Variants in TPM3 observed in about 807,000 individuals in gnomAD.
TPM3 encodes the protein tropomyosin 3.
Under a neutral mutation model 43.1 loss-of-function variants are expected in TPM3, and 16 were observed. That is an observed-to-expected ratio of 0.37 (90% CI 0.25 to 0.56). The LOEUF (loss-of-function observed/expected upper bound fraction) is 0.56, where lower values mean the gene tolerates loss of function less well. Among genes scored for constraint, TPM3 ranks in the 20% least tolerant of loss-of-function variants. The pLI, the probability that TPM3 is intolerant of heterozygous loss-of-function variation, is 0.77. For missense variants in TPM3, 176 were observed against 337.2 expected, an observed-to-expected ratio of 0.52 and a Z score of 3.74; for synonymous variants, 101 against 116.9, an observed-to-expected ratio of 0.86 and a Z score of 0.88.
Position 154,166,406 on chromosome 1 carries a change from G to T in TPM3, c.*1531C>A. ...ACCTTGTTGTTCTCCACTCCCAGGA[G>T]GTCACCATACTGATGCCAAATTTAG... is the stretch of plus-strand genomic sequence containing the variant. On this transcript the variant is annotated 3_prime_UTR_variant, in exon 10 of 10. Transcript: ENST00000651641. 1 of 454,548 alleles carries T rather than the reference G, an allele frequency of 2.2e-6. No individual in the cohort carries two copies. The highest frequency in any genetic ancestry group is 3.1e-6 in the Non-Finnish European group (1 of 323,334). The allele number at this position is 454,548 out of a possible 1,614,324, so 28.2% of individuals were successfully genotyped here.
At chr1:154,184,434 C>T (rs1663301169) in intron 2 of TPM3, among the ~76,000 whole-genome samples, 1 of 152,184 alleles carries the variant, frequency 6.6e-6, no homozygotes. Flanking sequence ...TAGCTCATGT[C>T]TGTAAGTCTA....
chr1:154,172,285 C>A (rs1338919915), intron 5 of TPM3: 4 of 743,264 alleles, frequency 5.4e-6, no homozygotes, highest in Non-Finnish European at 9.9e-6. Flanking sequence ...GAGGGAAGCA[C>A]AAATACATAT....
chr1:154,171,015 T>A, intron 6 of TPM3: 1 of 525,874 alleles, frequency 1.9e-6, no homozygotes, highest in Non-Finnish European at 3.4e-6. Context: ...GCAAGAGTAG[T>A]AGCACCCCAA....
At chr1:154,169,245 T>C in intron 9 of TPM3, 60 bp downstream of exon 9, 1 of 1,531,732 alleles carries the variant, frequency 6.5e-7, no homozygotes, top group Non-Finnish European at 9.0e-7. Flanking sequence ...TATGCATAGC[T>C]TGTACCCCCA....
In TPM3 at chr1:154,167,590, A is replaced by C; in HGVS notation, c.*347T>G. The stretch of plus-strand genomic sequence containing the variant: ...GTAGAATCAGATCAGCTGAGTTTAA[A>C]TGTCAAGAAAAAATAGACACACACA... On this transcript the variant is annotated 3_prime_UTR_variant, in exon 10 of 10. Transcript: ENST00000651641. 1.7e-6 allele frequency: 2 copies of C among 1,208,824 alleles called. No individual in the cohort carries two copies. The highest frequency in any genetic ancestry group is 2.1e-6 in the Non-Finnish European group (2 of 962,308). The allele number at this position is 1,208,824 out of a possible 1,614,324, so 74.9% of individuals were successfully genotyped here.
chr1:154,158,991 G>A (rs575492202), downstream of TPM3: 71 of 780,702 alleles, frequency 9.1e-5, 2 homozygotes, highest in South Asian at 9.4e-4. Context: ...ATCATGCAGC[G>A]TTAGCTTCAG....
At chr1:154,171,157 T>C in intron 6 of TPM3, 1 of 597,336 alleles carries the variant, frequency 1.7e-6, no homozygotes, top group South Asian at 2.0e-5. Context: ...GGCCCTTGAT[T>C]ATTGCTTTTC....
chr1:154,173,554 C>T (rs1661850999), intron 3 of TPM3, among the ~76,000 whole-genome samples: 1 of 151,606 alleles, frequency 6.6e-6, no homozygotes, highest in Non-Finnish European at 1.5e-5. Flanking sequence ...ATTCCAGCTA[C>T]TTGGGAGGCT....
rs28366030 is a variant in TPM3, at chr1:154,183,512, G to T, written c.244-7264C>A. The T allele has an allele frequency of 4.9e-5, 19 of 388,842 alleles. No homozygotes were observed. In the East Asian group the frequency reaches 9.8e-4, roughly 20 times the overall value. 24.1% of individuals were successfully genotyped at this position (388,842 alleles called of 1,614,324 possible). ...GGTAGTCGGCTGACCTTACACTCCC[G>T]CAATTGACCCCTCACTCCCGCAATG... On this transcript the variant is annotated intron_variant, in intron 2 of 9. Coordinates refer to ENST00000651641, the MANE Select transcript of TPM3 (RefSeq NM_152263.4).
chr1:154,188,611 C>T (rs1157950561), intron 2 of TPM3, among the ~76,000 whole-genome samples: 1 of 142,860 alleles, frequency 7.0e-6, no homozygotes, highest in Non-Finnish European at 1.5e-5. Context: ...AGAGGCGGAG[C>T]TTGCAGTGAG....
intron 2 of TPM3, among the ~76,000 whole-genome samples, chr1:154,178,718 A>T (rs1662617371): frequency 6.6e-6 from 1 of 152,162 alleles, no homozygotes; most frequent in African/African-American, 2.4e-5. Flanking sequence ...TTTCCTAATC[A>T]TCTTAGGTTT....
Position 154,164,878 on chromosome 1 carries a change from T to C in TPM3, c.*3059A>G, listed in dbSNP as rs1166656201. Among the ~76,000 whole-genome samples, 2 of 152,234 alleles carry C rather than the reference T, an allele frequency of 1.3e-5. No homozygotes were observed. Among genetic ancestry groups the C allele is most frequent in the African/African-American group, 4.8e-5 (2 of 41,462 alleles). ...TCACTTTGCTAATCTGCAAATTAGT[T>C]ACCAAATTAATTCTTCTTATATGTT... On this transcript the variant is annotated 3_prime_UTR_variant, in exon 10 of 10. Transcript: ENST00000651641.
At position 154,183,317 on chromosome 1, in the gene TPM3, C is replaced by T. The variant is rs1227933415; in HGVS notation, c.244-7069G>A. The T allele has an allele frequency of 1.1e-5, 16 of 1,476,186 alleles. 1 individual carries two copies. Among genetic ancestry groups the T allele is most frequent in the Middle Eastern group, 2.4e-4 (1 of 4,088 alleles). The allele number at this position is 1,476,186 out of a possible 1,614,324, so 91.4% of individuals were successfully genotyped here. On this transcript the variant is annotated intron_variant, in intron 2 of 9. Coordinates refer to ENST00000651641, the MANE Select transcript of TPM3 (RefSeq NM_152263.4). Reference sequence around the variant, plus strand: ...CAGTCCACTGGAGGGAGAGCCGCGGCAGGGAGTGGATCCTCCCAGTCGCCC... The same window carrying T: ...CAGTCCACTGGAGGGAGAGCCGCGGTAGGGAGTGGATCCTCCCAGTCGCCC...
chr1:154,189,812 A>C, intron 2 of TPM3, among the ~76,000 whole-genome samples: 1 of 151,712 alleles, frequency 6.6e-6, no homozygotes, highest in South Asian at 2.1e-4. Context: ...AAAAAAAAAA[A>C]AAAAAAAAGG....
chr1:154,172,516 C>T (rs909932158), intron 5 of TPM3: 6 of 496,136 alleles, frequency 1.2e-5, no homozygotes, highest in Non-Finnish European at 2.4e-5. Context: ...CCTTGGCATA[C>T]TAAGTAGCTG....
rs1377150210 is a variant in TPM3, at chr1:154,164,000, C to A, written c.*3937G>T. Among the ~76,000 whole-genome samples the A allele has an allele frequency of 1.3e-5, 2 of 152,038 alleles. No homozygotes were observed. Among genetic ancestry groups the A allele is most frequent in the Non-Finnish European group, 2.9e-5 (2 of 68,024 alleles). ...ACCTCCATGGCATAAACTACCTGTA[C>A]CCCATATGGATTCCCAACTCTCTTA... is the stretch of plus-strand genomic sequence containing the variant. On this transcript the variant is annotated 3_prime_UTR_variant, in exon 10 of 10. Transcript: ENST00000651641.
downstream of TPM3, among the ~76,000 whole-genome samples, chr1:154,158,134 G>A (rs924014884): frequency 6.6e-6 from 1 of 152,098 alleles, no homozygotes; most frequent in Non-Finnish European, 1.5e-5. Context: ...AGATTATAAA[G>A]AGCACAGGAA....
At chr1:154,183,148 C>G (rs952245414) in intron 2 of TPM3, 9 of 1,597,662 alleles carry the variant, frequency 5.6e-6, no homozygotes, top group Non-Finnish European at 7.6e-6. Flanking sequence ...GCTCGCGCTC[C>G]GGTTCCTGCC....
chr1:154,182,965 C>T lies in TPM3; in HGVS notation c.244-6717G>A, dbSNP rs1264813342. ...GATACTCCAGCGCCTGCCCCTCCCT[C>T]ATGAGCCTCACCATCTCCGTACCTG... On this transcript the variant is annotated intron_variant, in intron 2 of 9. Coordinates refer to ENST00000651641, the MANE Select transcript of TPM3 (RefSeq NM_152263.4). The T allele has an allele frequency of 1.9e-6, 3 of 1,610,644 alleles. No homozygotes were observed. In the African/African-American group the frequency reaches 4.0e-5, roughly 22 times the overall value.
Sources: gnomAD v4.1 joint callset for allele counts (sites outside exome capture counted in the v4.1 genomes callset) on GRCh38, gnomAD v4.1.1 for gene constraint, MANE v1.5 for transcripts, NCBI Gene and HGNC (gene_info 2026-07-23, HGNC 2026-07-21) for gene names.